The following PRKAR1B variants were observed in gnomAD, a reference collection of about 807,000 sequenced individuals.
The protein encoded by PRKAR1B is protein kinase cAMP-dependent type I regulatory subunit beta.
In PRKAR1B, 22 loss-of-function variants were observed where a neutral mutation model predicts 46.5. The ratio of observed to expected loss-of-function variants is 0.47; its 90% CI spans 0.34 to 0.68. The LOEUF is 0.68. Among genes scored for constraint, PRKAR1B ranks in the 30% least tolerant of loss-of-function variants. The pLI, the probability that PRKAR1B is intolerant of heterozygous loss-of-function variation, is 0.01. For missense variants in PRKAR1B, 445 were observed against 535.6 expected (o/e 0.83, Z 1.67); for synonymous variants, 259 against 217.7 (o/e 1.19, Z -1.67).
chr7:685,292 ATACATATATATATACG>A (rs1562615562), intron 2 of PRKAR1B, among the ~76,000 whole-genome samples: 8 of 9,696 alleles, frequency 8.3e-4, no homozygotes, highest in Non-Finnish European at 1.3e-3. Flanking sequence ...ATATATATGT[ATACATATATATATACG>A]TATATATACG....
At chr7:600,078 G>C (rs1351922530) in intron 6 of PRKAR1B, among the ~76,000 whole-genome samples, 1 of 152,276 alleles carries the variant, frequency 6.6e-6, no homozygotes, top group East Asian at 1.9e-4. Flanking sequence ...AATGTGGACA[G>C]AGCTTCAGTT....
At chr7:727,344 G>A, upstream of PRKAR1B, 1 of 1,165,702 alleles carries the variant, frequency 8.6e-7, no homozygotes, top group Non-Finnish European at 1.1e-6. Flanking sequence ...GCTCCCACAC[G>A]CCACCCCACA....
chr7:710,708 C>T (rs1296920158), intron 2 of PRKAR1B, among the ~76,000 whole-genome samples: 3 of 142,846 alleles, frequency 2.1e-5, no homozygotes, highest in Non-Finnish European at 4.5e-5. Context: ...TGCAGTGGTG[C>T]GATCTCAGCT....
chr7:583,252 T>C (rs1235360931), intron 8 of PRKAR1B, among the ~76,000 whole-genome samples: 1 of 152,120 alleles, frequency 6.6e-6, no homozygotes, highest in Non-Finnish European at 1.5e-5. Flanking sequence ...GCACGCTCCT[T>C]TCTCGACATT....
At chr7:661,997 C>G (rs868694938) in intron 4 of PRKAR1B, among the ~76,000 whole-genome samples, 1 of 82,664 alleles carries the variant, frequency 1.2e-5, no homozygotes, top group Non-Finnish European at 2.5e-5. Context: ...TACTCTCCCC[C>G]ACATGGCACA....
At chr7:657,111 G>A (rs915113433) in intron 4 of PRKAR1B, among the ~76,000 whole-genome samples, 6 of 152,126 alleles carry the variant, frequency 3.9e-5, no homozygotes, top group Non-Finnish European at 8.8e-5. Flanking sequence ...GTGAATGCAT[G>A]GATGGATGGA....
intron 4 of PRKAR1B, among the ~76,000 whole-genome samples, chr7:660,267 C>T (rs1282697801): frequency 6.6e-6 from 1 of 152,008 alleles, no homozygotes; most frequent in South Asian, 2.1e-4. Context: ...ACCGAGTTCC[C>T]GTCTACCATA....
At chr7:638,012 C>A (rs975489129) in intron 4 of PRKAR1B, among the ~76,000 whole-genome samples, 1 of 152,102 alleles carries the variant, frequency 6.6e-6, no homozygotes, top group Admixed American at 6.5e-5. Flanking sequence ...TATGGTGCCC[C>A]GTGTTCTCAT....
intron 4 of PRKAR1B, among the ~76,000 whole-genome samples, chr7:656,733 GTAAATGCA>G (rs1785217327): frequency 6.6e-6 from 1 of 152,038 alleles, no homozygotes; most frequent in African/African-American, 2.4e-5. Flanking sequence ...GGATGGATGT[GTAAATGCA>G]TGGATGGATG....
chr7:655,658 T>A (rs1054490701), intron 4 of PRKAR1B, among the ~76,000 whole-genome samples: 1 of 152,244 alleles, frequency 6.6e-6, no homozygotes, highest in Admixed American at 6.5e-5. Flanking sequence ...TGGTCTGTGT[T>A]GCGCATCTTG....
At chr7:567,849 G>C (rs1277018886) in intron 9 of PRKAR1B, among the ~76,000 whole-genome samples, 2 of 152,112 alleles carry the variant, frequency 1.3e-5, no homozygotes, top group Non-Finnish European at 2.9e-5. Context: ...AAAGGAGAAG[G>C]GTGGTTCTAC....
intron 6 of PRKAR1B, among the ~76,000 whole-genome samples, chr7:599,567 C>T (rs888280808): frequency 1.6e-4 from 24 of 152,210 alleles, no homozygotes; most frequent in African/African-American, 5.3e-4. Flanking sequence ...GGATTACAGG[C>T]GTGAGCCACC....
intron 4 of PRKAR1B, among the ~76,000 whole-genome samples, chr7:663,779 G>A (rs1052738138): frequency 6.6e-6 from 1 of 152,116 alleles, no homozygotes; most frequent in South Asian, 2.1e-4. Flanking sequence ...TCAGGACAGC[G>A]AGACAGCACA....
chr7:633,469 A>C (rs978804936), intron 4 of PRKAR1B, among the ~76,000 whole-genome samples: 6 of 152,226 alleles, frequency 3.9e-5, no homozygotes, highest in Non-Finnish European at 8.8e-5. Context: ...ATTCAGATTT[A>C]AAAAGTAATA....
chr7:583,414 C>CCACGCACA (rs754711147), intron 8 of PRKAR1B, among the ~76,000 whole-genome samples: 3 of 143,328 alleles, frequency 2.1e-5, no homozygotes, highest in East Asian at 4.4e-4. Flanking sequence ...GTGTGCACAC[C>CCACGCACA]CACGCACACA....
intron 9 of PRKAR1B, among the ~76,000 whole-genome samples, chr7:576,646 C>T (rs2128440825): frequency 6.6e-6 from 1 of 151,920 alleles, no homozygotes; most frequent in South Asian, 2.1e-4. Flanking sequence ...TGCCTTGGTG[C>T]TTCTTCCAGG....
chr7:577,920 C>G (rs1023121710), intron 9 of PRKAR1B, among the ~76,000 whole-genome samples: 1 of 152,226 alleles, frequency 6.6e-6, no homozygotes, highest in Non-Finnish European at 1.5e-5. Flanking sequence ...GGCGCTTTTG[C>G]AGTCCCATTT....
intron 8 of PRKAR1B, among the ~76,000 whole-genome samples, chr7:583,796 TCA>T (rs1049090917): frequency 3.2e-4 from 37 of 115,674 alleles, no homozygotes; most frequent in Admixed American, 1.6e-3. Context: ...CCATGTGCAC[TCA>T]CATGCACACT....
intron 8 of PRKAR1B, among the ~76,000 whole-genome samples, chr7:582,901 C>T (rs571375351): frequency 1.3e-5 from 2 of 152,330 alleles, no homozygotes; most frequent in South Asian, 2.1e-4. Flanking sequence ...TAAAATCTGG[C>T]GGACCAACTC....
Sources: allele counts gnomAD v4.1 joint callset (sites outside exome capture counted in the v4.1 genomes callset), GRCh38; gene constraint gnomAD v4.1.1; transcripts MANE v1.5; gene names NCBI Gene and HGNC (gene_info 2026-07-23, HGNC 2026-07-21).